STIL: variants seen among roughly 807,000 people sequenced by gnomAD.
STIL encodes SCL-interrupting locus protein.
Under a neutral mutation model 110.1 loss-of-function variants are expected in STIL, and 55 were observed. The ratio of observed to expected loss-of-function variants is 0.50; its 90% CI spans 0.40 to 0.63. The LOEUF (loss-of-function observed/expected upper bound fraction) is 0.63, where lower values mean the gene tolerates loss of function less well. STIL is among the 20% of genes least tolerant of loss of function. The pLI is 0.00. For synonymous variants in STIL, 481 were observed against 530.0 expected, an observed-to-expected ratio of 0.91 and a Z score of 1.27; for missense variants, 1,358 against 1,530.0, an observed-to-expected ratio of 0.89 and a Z score of 1.87.
At chr1:47,276,421 T>C (rs147309705) in intron 12 of STIL, among the ~76,000 whole-genome samples, 40 of 152,160 alleles carry the variant, frequency 2.6e-4, no homozygotes, top group Non-Finnish European at 5.3e-4. Context: ...TATACATATA[T>C]ATATATATGA....
intron 11 of STIL, among the ~76,000 whole-genome samples, chr1:47,282,037 A>G (rs1049076722): frequency 1.3e-5 from 2 of 152,122 alleles, no homozygotes; most frequent in Admixed American, 6.6e-5. Context: ...CAGCTTTACT[A>G]CTTACTAGTT....
intron 10 of STIL, 49 bp from the exon 11 acceptor site, chr1:47,282,508 T>C: frequency 8.9e-7 from 1 of 1,129,584 alleles, no homozygotes; most frequent in South Asian, 1.2e-5. Flanking sequence ...ATCCAGTGTT[T>C]TCTTTCTTCT....
intron 3 of STIL, among the ~76,000 whole-genome samples, chr1:47,303,265 T>G (rs1003412608): frequency 6.6e-6 from 1 of 152,150 alleles, no homozygotes; most frequent in Non-Finnish European, 1.5e-5. Flanking sequence ...CCGCCACGTT[T>G]TAAAAAACCT....
intron 12 of STIL, among the ~76,000 whole-genome samples, chr1:47,278,284 T>A (rs534320648): frequency 5.9e-5 from 9 of 152,108 alleles, no homozygotes; most frequent in Non-Finnish European, 8.8e-5. Context: ...TAGAAACCCA[T>A]GCAGGGTAAG....
chr1:47,312,334 C>T (rs996766109), intron 1 of STIL, among the ~76,000 whole-genome samples: 2 of 151,888 alleles, frequency 1.3e-5, no homozygotes, highest in Non-Finnish European at 2.9e-5. Context: ...ACTAAAAATA[C>T]AAAAAATTAG....
intron 13 of STIL, 78 bp downstream of exon 13, chr1:47,271,998 T>A (rs1339158890): frequency 6.6e-7 from 1 of 1,513,390 alleles, no homozygotes. Flanking sequence ...TGCACCAATT[T>A]GAACATAAAA....
intron 10 of STIL, among the ~76,000 whole-genome samples, chr1:47,286,829 C>T (rs564561422): frequency 1.7e-4 from 26 of 152,252 alleles, no homozygotes; most frequent in African/African-American, 6.3e-4. Flanking sequence ...TGTGTAATGT[C>T]TTTTACTGTA....
intron 12 of STIL, among the ~76,000 whole-genome samples, chr1:47,278,302 T>G (rs6671649): frequency 1 from 152,211 of 152,212 alleles, 76,105 homozygotes; most frequent in Non-Finnish European, 1. Context: ...AAGGGAGTTC[T>G]ATATATACTT....
At chr1:47,305,725 C>CTG (rs1645939877) in intron 2 of STIL, among the ~76,000 whole-genome samples, 1 of 43,418 alleles carries the variant, frequency 2.3e-5, no homozygotes, top group Non-Finnish European at 3.7e-5. Context: ...CACGCCTGGC[C>CTG]TTTTTTTTTT....
chr1:47,269,696 T>C lies in STIL; in HGVS notation c.2554A>G (p.Ser852Gly), dbSNP rs1282439547. The C allele has an allele frequency of 2.5e-6, 4 of 1,614,180 alleles. No individual in the cohort carries two copies. In the Admixed American group the frequency reaches 6.7e-5, roughly 27 times the overall value. ...ACAGCAATGTTGCTCTCTTCAAAAC[T>C]GGGAATATCAACTGCTTTTAATGAA... ...ASSLKAVDIP[S>G]FEESNIAVEE... The change falls in exon 14 of 17, where the codon AGT (serine) becomes GGT (glycine). Residue 852 changes from serine to glycine, a missense_variant. Physicochemically the swap from Ser to Gly is moderately conservative, Grantham distance 56 (BLOSUM62 0). Coordinates refer to ENST00000371877, the MANE Select transcript of STIL (RefSeq NM_001048166.1).
intron 15 of STIL, among the ~76,000 whole-genome samples, chr1:47,261,243 C>T (rs1322008303): frequency 1.3e-5 from 2 of 151,290 alleles, no homozygotes; most frequent in Non-Finnish European, 2.9e-5. Context: ...CAAAAATTAG[C>T]CGGGTGTGGT....
At chr1:47,272,318 C>A in intron 12 of STIL, 77 bp from the exon 13 acceptor site, 1 of 1,479,484 alleles carries the variant, frequency 6.8e-7, no homozygotes. Flanking sequence ...TAATGAATTA[C>A]AAAGCGCCCT....
intron 16 of STIL, among the ~76,000 whole-genome samples, chr1:47,252,778 TACACACACACACACACACAC>T (rs3043070): frequency 7.9e-5 from 11 of 140,114 alleles, no homozygotes; most frequent in East Asian, 4.2e-4. Context: ...TATGGGCTTA[TACACACACACACACACACAC>T]ACACACACAC....
rs146844929 is a variant in STIL at position 47,295,230 on chromosome 1, C to A, written c.785+535G>T. On this transcript the variant is annotated intron_variant, in intron 7 of 16. Coordinates refer to ENST00000371877, the MANE Select transcript of STIL (RefSeq NM_001048166.1). The stretch of plus-strand genomic sequence containing the variant: ...GGGATTACAGGCGTGAGCCACTGCG[C>A]CTGGCCATAGAATTAAGCTTTTATC... Among the ~76,000 whole-genome samples the A allele has an allele frequency of 1.8e-3, 270 of 152,222 alleles. 3 individuals are homozygous for A. The East Asian group carries it at 0.041, about 23-fold the overall frequency.
intron 10 of STIL, chr1:47,282,673 T>A: frequency 7.9e-6 from 4 of 507,630 alleles, no homozygotes; most frequent in South Asian, 6.4e-5. Flanking sequence ...ATTTACCTGA[T>A]GATAGCAAGT....
At chr1:47,277,680 T>C (rs1475213535) in intron 12 of STIL, among the ~76,000 whole-genome samples, 1 of 152,130 alleles carries the variant, frequency 6.6e-6, no homozygotes. Flanking sequence ...AGTGACGAGA[T>C]GAGAGGTGAT....
intron 16 of STIL, among the ~76,000 whole-genome samples, chr1:47,252,443 A>G (rs1000656575): frequency 2.6e-5 from 4 of 152,162 alleles, no homozygotes; most frequent in African/African-American, 9.7e-5. Flanking sequence ...CTAGAAGGTA[A>G]TCCATGATTT....
chr1:47,301,453 C>A (rs1312924992), intron 5 of STIL, 108 bp downstream of exon 5: 6 of 1,276,768 alleles, frequency 4.7e-6, no homozygotes, highest in Non-Finnish European at 6.7e-6. Context: ...AATAATTCAA[C>A]CAAATTATTG....
chr1:47,311,273 TTC>T (rs1287048515), intron 1 of STIL, among the ~76,000 whole-genome samples: 1 of 127,580 alleles, frequency 7.8e-6, no homozygotes, highest in Non-Finnish European at 1.7e-5. Flanking sequence ...CCATTTTCTT[TTC>T]TTTTTTTCTT....
Sources: gnomAD v4.1 joint callset for allele counts (sites outside exome capture counted in the v4.1 genomes callset) on GRCh38, gnomAD v4.1.1 for gene constraint, MANE v1.5 for transcripts, NCBI Gene and HGNC (gene_info 2026-07-23, HGNC 2026-07-21) for gene names.